Variants in KSR2 observed in about 807,000 individuals in gnomAD.
KSR2 encodes kinase suppressor of ras 2.
A neutral mutation model predicts 107.8 loss-of-function variants in KSR2; 25 were observed. That is an observed-to-expected ratio of 0.23 (90% CI 0.17 to 0.32). The LOEUF is 0.32. Among genes scored for constraint, KSR2 ranks in the 10% least tolerant of loss-of-function variants. The pLI, the probability that KSR2 is intolerant of heterozygous loss-of-function variation, is 1.00. For synonymous variants in KSR2, 480 were observed against 507.0 expected, an observed-to-expected ratio of 0.95 and a Z score of 0.71; for missense variants, 887 against 1,268.9, an observed-to-expected ratio of 0.70 and a Z score of 4.57.
chr12:117,813,156 T>C (rs1891259455), intron 3 of KSR2, among the ~76,000 whole-genome samples: 1 of 152,118 alleles, frequency 6.6e-6, no homozygotes, highest in African/African-American at 2.4e-5. Context: ...AGGATCTAAA[T>C]GTAAGACTTT....
At chr12:117,672,720 G>T (rs554687796) in intron 4 of KSR2, among the ~76,000 whole-genome samples, 1 of 152,260 alleles carries the variant, frequency 6.6e-6, no homozygotes, top group East Asian at 1.9e-4. Flanking sequence ...TGCCTCCAGG[G>T]TTCAAGGGAT....
chr12:117,500,370 G>T (rs1873307001), intron 14 of KSR2, among the ~76,000 whole-genome samples: 1 of 152,090 alleles, frequency 6.6e-6, no homozygotes, highest in African/African-American at 2.4e-5. Flanking sequence ...ATAATAAGTG[G>T]CATTTCTGAA....
At chr12:117,725,112 A>ACACC (rs1887374010) in intron 4 of KSR2, among the ~76,000 whole-genome samples, 3 of 144,656 alleles carry the variant, frequency 2.1e-5, no homozygotes, top group African/African-American at 7.5e-5. Flanking sequence ...ACACACACAC[A>ACACC]CCCCAAAAAC....
intron 1 of KSR2, among the ~76,000 whole-genome samples, chr12:117,924,157 C>T (rs138999407): frequency 0.015 from 2,240 of 151,656 alleles, 22 homozygotes; most frequent in Non-Finnish European, 0.02. Context: ...GGATTACAGG[C>T]GTGAGCCACT....
At chr12:117,520,232 C>T (rs908827910) in intron 14 of KSR2, among the ~76,000 whole-genome samples, 12 of 152,190 alleles carry the variant, frequency 7.9e-5, no homozygotes, top group African/African-American at 2.7e-4. Context: ...GCCTTTCTGA[C>T]CTCAGTTTTC....
chr12:117,587,805 G>T (rs966416750), intron 5 of KSR2, among the ~76,000 whole-genome samples: 24 of 152,282 alleles, frequency 1.6e-4, no homozygotes, highest in African/African-American at 5.1e-4. Flanking sequence ...TGGGAGCCCC[G>T]ATGTGCGTTA....
rs1168677028 is a variant in KSR2 at position 117,460,738 on chromosome 12, C to A, written c.*6461G>T. 1 of 152,134 alleles carries A rather than the reference C, an allele frequency of 6.6e-6. No individual in the cohort carries two copies. Among genetic ancestry groups the A allele is most frequent in the African/African-American group, 2.4e-5 (1 of 41,392 alleles). 9.4% of individuals were successfully genotyped at this position (152,134 alleles called of 1,614,324 possible). On this transcript the variant is annotated 3_prime_UTR_variant, in exon 20 of 20. Coordinates refer to ENST00000339824, the MANE Select transcript of KSR2 (RefSeq NM_173598.6). ...GGTGGGTTCCTGGGAATGGATGAGC[C>A]CAAAGACTCGTTTTTAAAATGCTGG...
chr12:117,880,055 A>G (rs1489397161), intron 1 of KSR2, among the ~76,000 whole-genome samples: 1 of 152,162 alleles, frequency 6.6e-6, no homozygotes, highest in Non-Finnish European at 1.5e-5. Context: ...CTGAGGCAGG[A>G]GAATCGCTTG....
chr12:117,774,746 C>T (rs1030452642), intron 3 of KSR2, among the ~76,000 whole-genome samples: 1 of 152,188 alleles, frequency 6.6e-6, no homozygotes, highest in Non-Finnish European at 1.5e-5. Flanking sequence ...TGTGTAACCG[C>T]CACCTCTATC....
chr12:117,764,025 A>T (rs1889139354), intron 3 of KSR2, among the ~76,000 whole-genome samples: 1 of 152,222 alleles, frequency 6.6e-6, no homozygotes, highest in African/African-American at 2.4e-5. Context: ...GACTGTAACA[A>T]GAGCTAATTT....
intron 4 of KSR2, among the ~76,000 whole-genome samples, chr12:117,704,764 C>G (rs1458109730): frequency 6.6e-6 from 1 of 151,518 alleles, no homozygotes; most frequent in African/African-American, 2.4e-5. Flanking sequence ...GAGGCTGAGG[C>G]AGGAGGATCA....
In KSR2 at chr12:117,579,157, C is replaced by T. The variant is rs370314196; in HGVS notation, c.1287G>A (p.Gly429=). ...YWMSQTCTVC[G]KGMLFGLKCK... is the part of the protein sequence containing the mutation. ...ACTTGAGGCCAAAAAGCATCCCTTT[C>T]CCACAGACTGTGCACGTCTGAGACA... The change falls in exon 7 of 20, where the codon GGG becomes GGA. Residue 429 remains glycine (G), a synonymous_variant. Transcript: ENST00000339824. 314 of 1,613,628 alleles carry T rather than the reference C, an allele frequency of 1.9e-4. No homozygotes were observed. Among genetic ancestry groups the T allele is most frequent in the Non-Finnish European group, 2.6e-4 (312 of 1,179,818 alleles).
At chr12:117,895,115 T>C (rs1381061855) in intron 1 of KSR2, among the ~76,000 whole-genome samples, 1 of 151,898 alleles carries the variant, frequency 6.6e-6, no homozygotes, top group African/African-American at 2.4e-5. Flanking sequence ...CCTGTGCCTG[T>C]AGTTCCAGCT....
intron 2 of KSR2, among the ~76,000 whole-genome samples, chr12:117,858,013 C>A (rs1893156607): frequency 6.6e-6 from 1 of 152,192 alleles, no homozygotes; most frequent in African/African-American, 2.4e-5. Flanking sequence ...TGTAAATGAG[C>A]AAATCGCTGC....
intron 9 of KSR2, among the ~76,000 whole-genome samples, chr12:117,550,973 C>A (rs1744345306): frequency 1.3e-5 from 2 of 152,326 alleles, no homozygotes; most frequent in Admixed American, 6.5e-5. Context: ...AAAGACAACT[C>A]ATTTTGCGGA....
intron 9 of KSR2, among the ~76,000 whole-genome samples, chr12:117,553,897 G>A (rs1356444322): frequency 2.0e-5 from 3 of 148,726 alleles, no homozygotes; most frequent in African/African-American, 5.0e-5. Flanking sequence ...TCCTTTCACC[G>A]TGTGATGCGT....
At chr12:117,863,800 C>T (rs1257580915) in intron 1 of KSR2, among the ~76,000 whole-genome samples, 3 of 152,104 alleles carry the variant, frequency 2.0e-5, no homozygotes, top group South Asian at 2.1e-4. Context: ...CTTCCCTTTT[C>T]GGTGATCAGA....
chr12:117,567,845 A>G (rs1056884331), intron 7 of KSR2, among the ~76,000 whole-genome samples: 2 of 143,662 alleles, frequency 1.4e-5, no homozygotes, highest in Admixed American at 1.3e-4. Context: ...CCAAAAGTGC[A>G]GGTTCACTGC....
intron 3 of KSR2, among the ~76,000 whole-genome samples, chr12:117,835,426 C>G: frequency 6.6e-6 from 1 of 152,168 alleles, no homozygotes; most frequent in East Asian, 1.9e-4. Flanking sequence ...CATGATAAGC[C>G]AAACCCCAAC....
Sources: gnomAD v4.1 joint callset for allele counts (sites outside exome capture counted in the v4.1 genomes callset) on GRCh38, gnomAD v4.1.1 for gene constraint, MANE v1.5 for transcripts, NCBI Gene and HGNC (gene_info 2026-07-23, HGNC 2026-07-21) for gene names.